Variants in PRIMPOL observed in about 807,000 individuals in gnomAD.
PRIMPOL encodes DNA-directed primase/polymerase protein.
PRIMPOL carries 54 observed loss-of-function variants against 63.6 expected under a neutral mutation model. The ratio of observed to expected loss-of-function variants is 0.85; its 90% CI spans 0.68 to 1.07. PRIMPOL has a LOEUF of 1.07. Ranked by LOEUF, PRIMPOL falls within the 50% of genes least tolerant of loss-of-function variation. The probability of loss-of-function intolerance (pLI) is 0.00; values close to 1 mark genes in which losing one functional copy is unlikely to be tolerated. For synonymous variants in PRIMPOL, 197 were observed against 220.2 expected, an observed-to-expected ratio of 0.89 and a Z score of 0.93; for missense variants, 610 against 648.3, an observed-to-expected ratio of 0.94 and a Z score of 0.64.
At chr4:184,690,159 A>T (rs1758111320) in intron 11 of PRIMPOL, among the ~76,000 whole-genome samples, 1 of 152,076 alleles carries the variant, frequency 6.6e-6, no homozygotes, top group African/African-American at 2.4e-5. Flanking sequence ...CAACTATTTA[A>T]TCAAATCTTT....
intron 11 of PRIMPOL, among the ~76,000 whole-genome samples, chr4:184,687,490 T>C (rs1462259776): frequency 3.3e-5 from 5 of 152,302 alleles, no homozygotes; most frequent in Admixed American, 3.3e-4. Context: ...CCAACCCCAA[T>C]TTCCTTCTCT....
At chr4:184,651,158 G>A (rs572215121) in intron 1 of PRIMPOL, among the ~76,000 whole-genome samples, 1 of 152,168 alleles carries the variant, frequency 6.6e-6, no homozygotes, top group South Asian at 2.1e-4. Flanking sequence ...GGGTGCAGTG[G>A]TGGGCACCTG....
At chr4:184,694,391 T>C in intron 13 of PRIMPOL, 131 bp from the exon 14 acceptor site, 1 of 1,423,156 alleles carries the variant, frequency 7.0e-7, no homozygotes, top group Non-Finnish European at 9.2e-7. Flanking sequence ...GGAGACAGCA[T>C]TCCTCCTGCA....
intron 7 of PRIMPOL, among the ~76,000 whole-genome samples, chr4:184,673,568 G>A (rs533142427): frequency 0.01 from 1,542 of 151,892 alleles, 18 homozygotes; most frequent in Non-Finnish European, 0.018. Context: ...GGGATTACAG[G>A]CATGCGCCAC....
chr4:184,668,790 C>T (rs373304493), intron 6 of PRIMPOL, among the ~76,000 whole-genome samples: 2 of 152,096 alleles, frequency 1.3e-5, no homozygotes, highest in Non-Finnish European at 2.9e-5. Flanking sequence ...CTCTATTCTA[C>T]TTAATGTTTC....
intron 5 of PRIMPOL, among the ~76,000 whole-genome samples, chr4:184,664,331 A>G (rs1339256577): frequency 6.6e-6 from 1 of 152,252 alleles, no homozygotes. Context: ...AGTCAAAGAG[A>G]CATAATGTCT....
chr4:184,689,152 A>T (rs903223346), intron 11 of PRIMPOL, among the ~76,000 whole-genome samples: 21 of 149,800 alleles, frequency 1.4e-4, no homozygotes, highest in African/African-American at 5.1e-4. Context: ...TGCAGCCTTG[A>T]TCTCCTGGGC....
rs142553305 is a variant in PRIMPOL, at chr4:184,691,470, A to ATAC, written c.1296-27_1296-25dup. 0.011 allele frequency: 13,752 copies of ATAC among 1,243,282 alleles called. 771 individuals are homozygous for ATAC. In the African/African-American group the frequency reaches 0.2, roughly 18 times the overall value. The allele number at this position is 1,243,282 out of a possible 1,614,324, so 77.0% of individuals were successfully genotyped here. The stretch of plus-strand genomic sequence containing the variant: ...TGTTTTCTACCCAGTCTTGGTATTA[A>ATAC]TACTTTTTTTTTTTTTTTAAACATA... On this transcript the variant is annotated intron_variant, in intron 11 of 13. Transcript: ENST00000314970.
chr4:184,661,608 A>T (rs988588193), intron 4 of PRIMPOL, among the ~76,000 whole-genome samples, 166 bp from the exon 5 acceptor site: 3 of 152,184 alleles, frequency 2.0e-5, no homozygotes, highest in African/African-American at 4.8e-5. Flanking sequence ...CGGGAGGCTG[A>T]GGCAGGAGAA....
intron 6 of PRIMPOL, among the ~76,000 whole-genome samples, chr4:184,667,287 A>G (rs1052623154): frequency 7.3e-5 from 11 of 150,932 alleles, no homozygotes; most frequent in African/African-American, 2.4e-4. Flanking sequence ...CAAAGAATGG[A>G]CTTAGAGGCA....
chr4:184,691,147 TGA>T (rs985978415), intron 11 of PRIMPOL, among the ~76,000 whole-genome samples: 10 of 152,236 alleles, frequency 6.6e-5, no homozygotes, highest in Admixed American at 2.6e-4. Context: ...TATAAATTAC[TGA>T]GAGTATGTTT....
At chr4:184,680,337 G>A (rs1755288503) in intron 8 of PRIMPOL, among the ~76,000 whole-genome samples, 1 of 152,080 alleles carries the variant, frequency 6.6e-6, no homozygotes, top group South Asian at 2.1e-4. Context: ...ACAGGTGTGT[G>A]CCACCACACC....
intron 7 of PRIMPOL, among the ~76,000 whole-genome samples, chr4:184,677,272 G>A (rs1027683889): frequency 5.3e-5 from 8 of 151,886 alleles, no homozygotes; most frequent in African/African-American, 1.9e-4. Context: ...TGGCTTTTAT[G>A]TTTAGATCTA....
At chr4:184,667,537 C>T (rs1405018456) in intron 6 of PRIMPOL, among the ~76,000 whole-genome samples, 1 of 152,108 alleles carries the variant, frequency 6.6e-6, no homozygotes, top group Non-Finnish European at 1.5e-5. Flanking sequence ...GTCTTGATCC[C>T]CTGACCTTGT....
At chr4:184,693,321 T>C (rs10013501) in intron 13 of PRIMPOL, among the ~76,000 whole-genome samples, 9,954 of 152,206 alleles carry the variant, frequency 0.065, 1,053 homozygotes, top group African/African-American at 0.22. Flanking sequence ...CCCTTGTTAG[T>C]CTGGATTGTG....
At chr4:184,673,518 G>A (rs1472111036) in intron 7 of PRIMPOL, among the ~76,000 whole-genome samples, 2 of 148,950 alleles carry the variant, frequency 1.3e-5, no homozygotes, top group Admixed American at 6.7e-5. Flanking sequence ...TCCGCCTCCC[G>A]GGTTCAAACG....
chr4:184,687,719 A>G (rs1428551697), intron 11 of PRIMPOL, among the ~76,000 whole-genome samples: 2 of 152,102 alleles, frequency 1.3e-5, no homozygotes, highest in African/African-American at 2.4e-5. Flanking sequence ...GGTTCAAGCA[A>G]TTCTCCGGCC....
chr4:184,651,260 T>C (rs113756370), intron 1 of PRIMPOL, among the ~76,000 whole-genome samples: 2,332 of 149,406 alleles, frequency 0.016, 76 homozygotes, highest in African/African-American at 0.056. Flanking sequence ...CACTGCACTC[T>C]AGCCTGGGCA....
rs1263333962 is a variant in PRIMPOL, at chr4:184,649,904, C to T, written c.-142C>T. 1 of 152,284 alleles carries T rather than the reference C, an allele frequency of 6.6e-6. No homozygotes were observed. Among genetic ancestry groups the T allele is most frequent in the Non-Finnish European group, 1.5e-5 (1 of 68,086 alleles). The allele number at this position is 152,284 out of a possible 1,614,324, so 9.4% of individuals were successfully genotyped here. A position where few individuals can be genotyped will look rare whatever the true frequency, so the allele number is the denominator to read the frequency against. ...AAGAAGAGGAGCAGGCCGGGACGCC[C>T]ACCGGTAATTTCTGTCTCCTCTGCG... is the stretch of plus-strand genomic sequence containing the variant. On this transcript the variant is annotated 5_prime_UTR_variant, in exon 1 of 14. Transcript: ENST00000314970.
Sources: allele counts gnomAD v4.1 joint callset (sites outside exome capture counted in the v4.1 genomes callset), GRCh38; gene constraint gnomAD v4.1.1; transcripts MANE v1.5; gene names NCBI Gene and HGNC (gene_info 2026-07-23, HGNC 2026-07-21).